GUCY1A2: variants seen among roughly 807,000 people sequenced by gnomAD.
GUCY1A2 encodes guanylate cyclase 1 soluble subunit alpha 2, also known as guanylate cyclase soluble subunit alpha-2.
Under a neutral mutation model 63.5 loss-of-function variants are expected in GUCY1A2, and 27 were observed. The ratio of observed to expected loss-of-function variants is 0.43; its 90% CI spans 0.31 to 0.59. GUCY1A2 has a LOEUF of 0.59. Among genes scored for constraint, GUCY1A2 ranks in the 20% least tolerant of loss-of-function variants. The pLI, the probability that GUCY1A2 is intolerant of heterozygous loss-of-function variation, is 0.11. For missense variants in GUCY1A2, 768 were observed against 913.3 expected (o/e 0.84, Z 2.05); for synonymous variants, 364 against 343.5 (o/e 1.06, Z -0.66).
intron 7 of GUCY1A2, among the ~76,000 whole-genome samples, chr11:106,696,638 G>A (rs1449236036): frequency 6.6e-6 from 1 of 152,018 alleles, no homozygotes; most frequent in Non-Finnish European, 1.5e-5. Context: ...AGGAGATCAT[G>A]CAAATTTTAA....
intron 5 of GUCY1A2, among the ~76,000 whole-genome samples, chr11:106,793,368 C>A (rs1194835593): frequency 6.6e-6 from 1 of 152,032 alleles, no homozygotes; most frequent in Non-Finnish European, 1.5e-5. Context: ...AATAAAGACA[C>A]AAATGTGAGT....
chr11:106,849,371 CAT>C (rs994159454), intron 4 of GUCY1A2, among the ~76,000 whole-genome samples: 10 of 149,476 alleles, frequency 6.7e-5, no homozygotes, highest in Middle Eastern at 3.6e-3. Flanking sequence ...AATATATAAA[CAT>C]ATATATTTAA....
chr11:106,896,040 CATATATACAGAT>C (rs1860044392), intron 4 of GUCY1A2, among the ~76,000 whole-genome samples: 1 of 149,416 alleles, frequency 6.7e-6, no homozygotes, highest in Non-Finnish European at 1.5e-5. Context: ...ATATAGTATA[CATATATACAGAT>C]ATATATACAC....
At chr11:106,868,259 G>A (rs1859622830) in intron 4 of GUCY1A2, among the ~76,000 whole-genome samples, 1 of 151,974 alleles carries the variant, frequency 6.6e-6, no homozygotes. Context: ...AAGGAAAAGT[G>A]TGTCTCACAT....
intron 5 of GUCY1A2, among the ~76,000 whole-genome samples, chr11:106,777,119 A>G (rs1467361370): frequency 6.6e-6 from 1 of 152,098 alleles, no homozygotes; most frequent in East Asian, 1.9e-4. Flanking sequence ...CTTTATGTAC[A>G]TTGTCTCATT....
At chr11:106,763,837 AT>A (rs1264592476) in intron 6 of GUCY1A2, among the ~76,000 whole-genome samples, 4 of 152,084 alleles carry the variant, frequency 2.6e-5, no homozygotes, top group Non-Finnish European at 4.4e-5. Context: ...TTTTCAATCA[AT>A]CAGTGCTTTT....
At chr11:106,759,352 A>G (rs1030782225) in intron 6 of GUCY1A2, among the ~76,000 whole-genome samples, 12 of 152,126 alleles carry the variant, frequency 7.9e-5, no homozygotes, top group African/African-American at 2.4e-4. Context: ...CTACTTAGGT[A>G]GCTCTGTATG....
At chr11:107,005,295 A>C (rs2120193013) in intron 1 of GUCY1A2, among the ~76,000 whole-genome samples, 1 of 152,192 alleles carries the variant, frequency 6.6e-6, no homozygotes, top group East Asian at 1.9e-4. Context: ...ATTTTTTTGG[A>C]GACAACTTCT....
At chr11:106,959,097 C>T (rs1006373839) in intron 3 of GUCY1A2, among the ~76,000 whole-genome samples, 7 of 152,224 alleles carry the variant, frequency 4.6e-5, no homozygotes, top group African/African-American at 7.2e-5. Flanking sequence ...ATATTCGTTA[C>T]GGTCTCAAAG....
chr11:106,762,518 C>A (rs1016025194), intron 6 of GUCY1A2, among the ~76,000 whole-genome samples: 1 of 151,950 alleles, frequency 6.6e-6, no homozygotes, highest in South Asian at 2.1e-4. Flanking sequence ...TGCACCCCAA[C>A]AAAGGAGTAC....
At chr11:106,796,795 G>T (rs1864770705) in intron 5 of GUCY1A2, among the ~76,000 whole-genome samples, 1 of 152,064 alleles carries the variant, frequency 6.6e-6, no homozygotes, top group African/African-American at 2.4e-5. Context: ...GGTGCTCTCT[G>T]TATTTCCTGA....
intron 6 of GUCY1A2, among the ~76,000 whole-genome samples, chr11:106,723,639 A>G (rs538995785): frequency 3.3e-5 from 5 of 152,326 alleles, no homozygotes; most frequent in Admixed American, 3.3e-4. Context: ...CCTGGCCAAC[A>G]TGGCAAAGCC....
At chr11:106,730,708 G>A (rs894550793) in intron 6 of GUCY1A2, among the ~76,000 whole-genome samples, 1 of 152,058 alleles carries the variant, frequency 6.6e-6, no homozygotes, top group African/African-American at 2.4e-5. Context: ...TTCCATAATG[G>A]CTGAACTAAT....
intron 1 of GUCY1A2, among the ~76,000 whole-genome samples, chr11:106,997,985 A>G (rs1016460645): frequency 3.1e-4 from 47 of 152,308 alleles, no homozygotes; most frequent in African/African-American, 1.1e-3. Context: ...AGAAAAAAAT[A>G]AAGTGATGTC....
At chr11:106,843,514 G>A (rs1336722866) in intron 4 of GUCY1A2, among the ~76,000 whole-genome samples, 1 of 151,882 alleles carries the variant, frequency 6.6e-6, no homozygotes, top group African/African-American at 2.4e-5. Context: ...GCAAGTGGGA[G>A]AAGTTGAAAT....
intron 6 of GUCY1A2, among the ~76,000 whole-genome samples, chr11:106,775,044 G>A (rs926828006): frequency 2.0e-5 from 3 of 151,806 alleles, no homozygotes; most frequent in East Asian, 3.9e-4. Flanking sequence ...AATTTCCCCC[G>A]GTTCTTCCCC....
At chr11:106,895,536 T>A (rs1190633352) in intron 4 of GUCY1A2, among the ~76,000 whole-genome samples, 1 of 152,150 alleles carries the variant, frequency 6.6e-6, no homozygotes, top group Non-Finnish European at 1.5e-5. Context: ...ATCTGATGGC[T>A]TTATAAAGGG....
Position 106,864,057 on chromosome 11 carries a change from C to A in GUCY1A2, c.1207-53579G>T, listed in dbSNP as rs578200252. ...TTGAGACAGGGCATCACACACCCTG[C>A]CTGTCGGGGGTTGGGAGCGATAGGG... On this transcript the variant is annotated intron_variant, in intron 4 of 7. Transcript: ENST00000526355. Among the ~76,000 whole-genome samples the A allele has an allele frequency of 2.0e-5, 3 of 151,856 alleles. No homozygotes were observed. The South Asian group carries it at 6.2e-4, about 32-fold the overall frequency.
chr11:106,856,380 T>C (rs570658876), intron 4 of GUCY1A2, among the ~76,000 whole-genome samples: 4 of 152,274 alleles, frequency 2.6e-5, no homozygotes, highest in Non-Finnish European at 5.9e-5. Context: ...TCATTTTACA[T>C]AAGTAATATG....
Sources: gnomAD v4.1 joint callset for allele counts (sites outside exome capture counted in the v4.1 genomes callset) on GRCh38, gnomAD v4.1.1 for gene constraint, MANE v1.5 for transcripts, NCBI Gene and HGNC (gene_info 2026-07-23, HGNC 2026-07-21) for gene names.